CAPN2: variants seen among roughly 807,000 people sequenced by gnomAD.
CAPN2 encodes calpain-2 catalytic subunit.
In CAPN2, 92 loss-of-function variants were observed where a neutral mutation model predicts 102.3. The ratio of observed to expected loss-of-function variants is 0.90; its 90% CI spans 0.76 to 1.07. The LOEUF (loss-of-function observed/expected upper bound fraction) is 1.07. Ranked by LOEUF, CAPN2 falls within the 50% of genes least tolerant of loss-of-function variation. CAPN2 has a pLI of 0.00. For missense variants in CAPN2, 800 were observed against 909.4 expected, an observed-to-expected ratio of 0.88 and a Z score of 1.55; for synonymous variants, 340 against 355.4, an observed-to-expected ratio of 0.96 and a Z score of 0.49.
chr1:223,761,516 A>G (rs1558076181), intron 12 of CAPN2, 65 bp from the exon 13 acceptor site: 1 of 1,372,158 alleles, frequency 7.3e-7, no homozygotes. Flanking sequence ...CCATTTTAGC[A>G]GTGATTTCCT....
rs552659453 is a variant in CAPN2, at chr1:223,766,158, C to T, written c.1691-209C>T. ...CACTTTTTAAAGCCCTGTTTGCCCA[C>T]GGCAAATATACAGAGACATCAGGAC... On this transcript the variant is annotated intron_variant, in intron 15 of 20. Transcript: ENST00000295006. Among the ~76,000 whole-genome samples, 17 of 152,276 alleles carry T rather than the reference C, an allele frequency of 1.1e-4. No individual in the cohort carries two copies. The South Asian group carries it at 1.7e-3, about 15-fold the overall frequency.
intron 6 of CAPN2, among the ~76,000 whole-genome samples, chr1:223,750,480 C>T (rs550540798): frequency 2.0e-5 from 3 of 152,306 alleles, no homozygotes; most frequent in Admixed American, 2.0e-4. Flanking sequence ...TCTGGCGACC[C>T]ACCCCAACCC....
chr1:223,771,404 C>G (rs1161563265), intron 18 of CAPN2: 1 of 162,548 alleles, frequency 6.2e-6, no homozygotes, highest in African/African-American at 2.4e-5. Context: ...TTATTTTACT[C>G]TGGAAGGAGA....
intron 1 of CAPN2, among the ~76,000 whole-genome samples, chr1:223,704,358 A>G (rs902633583): frequency 3.3e-5 from 5 of 152,208 alleles, no homozygotes; most frequent in African/African-American, 1.2e-4. Context: ...ATTCTTTCAT[A>G]TGAATCTCAA....
Position 223,773,718 on chromosome 1 carries a change from G to A in CAPN2, c.2080-1116G>A, listed in dbSNP as rs577362892. Among the ~76,000 whole-genome samples the A allele has an allele frequency of 3.9e-4, 59 of 152,038 alleles. No individual in the cohort carries two copies. The South Asian group carries it at 5.6e-3, about 14-fold the overall frequency. On this transcript the variant is annotated intron_variant, in intron 20 of 20. Transcript: ENST00000295006. ...CATCTAAAAAAAAAATTAGCTGGGC[G>A]TGGTGGCAGGTGCCTGTAAATACGT...
At chr1:223,766,931 G>A (rs1477128043) in intron 16 of CAPN2, among the ~76,000 whole-genome samples, 1 of 151,666 alleles carries the variant, frequency 6.6e-6, no homozygotes, top group African/African-American at 2.4e-5. Context: ...CTGCACTCCA[G>A]CCTGGGTGAC....
chr1:223,734,726 C>T (rs1305959052), intron 2 of CAPN2, among the ~76,000 whole-genome samples: 1 of 152,180 alleles, frequency 6.6e-6, no homozygotes, highest in Admixed American at 6.5e-5. Context: ...ACTCCACTTC[C>T]CTTGAGTTTC....
intron 2 of CAPN2, among the ~76,000 whole-genome samples, chr1:223,719,831 T>TGTGCGTGC (rs1491465648): frequency 1.0e-5 from 1 of 96,690 alleles, no homozygotes; most frequent in Non-Finnish European, 2.4e-5. Flanking sequence ...TGTGTGTGTG[T>TGTGCGTGC]GCGCGCGCGC....
At chr1:223,764,092 T>C in intron 14 of CAPN2, 58 bp from the exon 15 acceptor site, 1 of 1,371,032 alleles carries the variant, frequency 7.3e-7, no homozygotes, top group Non-Finnish European at 1.0e-6. Context: ...TGTCCTGCCC[T>C]GTGCTCATCC....
upstream of CAPN2, chr1:223,712,329 G>A (rs1659749800): frequency 4.0e-6 from 2 of 500,812 alleles, no homozygotes; most frequent in South Asian, 1.7e-4. Flanking sequence ...CGCGATTCGC[G>A]AGCCTCCCCG....
intron 18 of CAPN2, chr1:223,771,090 G>A (rs1369215968): frequency 6.5e-6 from 1 of 153,404 alleles, no homozygotes; most frequent in African/African-American, 2.4e-5. Flanking sequence ...TCCACGGCTA[G>A]GACGGTGCCT....
chr1:223,772,540 C>A (rs1485058990), intron 20 of CAPN2: 2 of 363,736 alleles, frequency 5.5e-6, no homozygotes, highest in Admixed American at 8.4e-5. Context: ...AAAATGAACT[C>A]CTGATTAGCA....
intron 16 of CAPN2, among the ~76,000 whole-genome samples, chr1:223,766,903 T>C (rs1249544700): frequency 6.6e-6 from 1 of 151,492 alleles, no homozygotes; most frequent in Admixed American, 6.6e-5. Context: ...GAGGTTGCAG[T>C]GAGCTGAGAT....
intron 1 of CAPN2, among the ~76,000 whole-genome samples, chr1:223,713,247 G>A (rs1037165006): frequency 3.3e-5 from 5 of 152,154 alleles, no homozygotes; most frequent in African/African-American, 1.2e-4. Flanking sequence ...AGGGGAATCG[G>A]GTCTGCAGGG....
intron 2 of CAPN2, among the ~76,000 whole-genome samples, chr1:223,737,966 C>A (rs1200771298): frequency 4.0e-5 from 6 of 151,836 alleles, no homozygotes; most frequent in Non-Finnish European, 5.9e-5. Context: ...TTTTTCTGTG[C>A]CATTTATTTA....
intron 3 of CAPN2, among the ~76,000 whole-genome samples, chr1:223,744,483 T>TA (rs1171801536): frequency 3.2e-4 from 47 of 148,264 alleles, no homozygotes; most frequent in East Asian, 1.4e-3. Context: ...TTCCCAAGTT[T>TA]AAAAAAAAAA....
intron 1 of CAPN2, among the ~76,000 whole-genome samples, chr1:223,714,987 G>A (rs538885933): frequency 2.6e-5 from 4 of 152,322 alleles, no homozygotes; most frequent in African/African-American, 9.6e-5. Context: ...CCATTTGCCA[G>A]TTGAAGAAAT....
chr1:223,752,726 G>A (rs1660933706), intron 8 of CAPN2, 70 bp from the exon 9 acceptor site: 2 of 1,513,082 alleles, frequency 1.3e-6, no homozygotes, highest in South Asian at 1.2e-5. Context: ...CTGGTCTGGT[G>A]TTGGTGGAAA....
Position 223,761,612 on chromosome 1 carries a change from G to A in CAPN2, c.1561G>A (p.Glu521Lys), listed in dbSNP as rs28370127. The A allele has an allele frequency of 1.2e-6, 2 of 1,611,884 alleles. No homozygotes were observed. The highest frequency in any genetic ancestry group is 1.7e-6 in the Non-Finnish European group (2 of 1,178,204). ...AVDDEIEANLEEFDISEDDID... is the reference protein window; with the variant it reads ...AVDDEIEANLKEFDISEDDID... Reference sequence around the variant, plus strand: ...CGATGATGAAATCGAGGCCAATCTTGAAGAGGTATTTGTAACTCTTTGAAT... The same window carrying A: ...CGATGATGAAATCGAGGCCAATCTTAAAGAGGTATTTGTAACTCTTTGAAT... The change falls in exon 13 of 21, where the codon GAA (glutamate) becomes AAA (lysine). Residue 521 changes from glutamate (E) to lysine (K), a missense_variant. Coordinates refer to ENST00000295006, the MANE Select transcript of CAPN2 (RefSeq NM_001748.5).
Sources: allele counts gnomAD v4.1 joint callset (sites outside exome capture counted in the v4.1 genomes callset), GRCh38; gene constraint gnomAD v4.1.1; transcripts MANE v1.5; gene names NCBI Gene and HGNC (gene_info 2026-07-23, HGNC 2026-07-21).